The following DHX35 variants were observed in gnomAD, a reference collection of about 807,000 sequenced individuals.
DHX35 encodes the protein DEAH-box helicase 35, also known as probable ATP-dependent RNA helicase DHX35.
In DHX35, 84 loss-of-function variants were observed where a neutral mutation model predicts 99.6. The observed-to-expected ratio is 0.84, with a 90% CI of 0.71 to 1.01. The LOEUF is 1.01. Among genes scored for constraint, DHX35 ranks in the 50% least tolerant of loss-of-function variants. The pLI is 0.00. For missense variants in DHX35, 852 were observed against 888.5 expected (o/e 0.96, Z 0.52); for synonymous variants, 331 against 316.2 (o/e 1.05, Z -0.50).
intron 3 of DHX35, chr20:38,978,421 A>C: frequency 1.5e-6 from 1 of 645,318 alleles, no homozygotes; most frequent in Non-Finnish European, 2.9e-6. Flanking sequence ...CACATCTTTC[A>C]TGGGGTGGTG....
At chr20:38,994,180 A>G (rs2086386900) in intron 7 of DHX35, among the ~76,000 whole-genome samples, 1 of 152,152 alleles carries the variant, frequency 6.6e-6, no homozygotes, top group African/African-American at 2.4e-5. Context: ...CCATGTTATT[A>G]CCTTTTTCAG....
intron 7 of DHX35, 38 bp downstream of exon 7, chr20:38,992,463 A>G (rs1260348753): frequency 6.3e-6 from 10 of 1,594,920 alleles, no homozygotes; most frequent in Non-Finnish European, 5.2e-6. Context: ...GTGTGTGTTT[A>G]TTTTATTGCC....
intron 8 of DHX35, among the ~76,000 whole-genome samples, 162 bp from the exon 9 acceptor site, chr20:39,001,568 G>A (rs1601410355): frequency 6.6e-6 from 1 of 152,298 alleles, no homozygotes; most frequent in African/African-American, 2.4e-5. Flanking sequence ...TTAGAAAAAT[G>A]TGAATTTAAA....
At chr20:39,009,946 T>C (rs1260494518) in intron 12 of DHX35, among the ~76,000 whole-genome samples, 1 of 152,184 alleles carries the variant, frequency 6.6e-6, no homozygotes, top group African/African-American at 2.4e-5. Context: ...CCTTGACTTA[T>C]TCCAAACAGA....
At chr20:38,963,323 AG>A (rs1161124490) in intron 1 of DHX35, among the ~76,000 whole-genome samples, 5 of 152,364 alleles carry the variant, frequency 3.3e-5, no homozygotes, top group African/African-American at 7.2e-5. Context: ...AGTATATTGC[AG>A]CAAAAATGAA....
intron 15 of DHX35, among the ~76,000 whole-genome samples, chr20:39,019,400 T>C (rs1194181826): frequency 1.3e-5 from 2 of 152,198 alleles, no homozygotes; most frequent in African/African-American, 4.8e-5. Flanking sequence ...CCATGTTTTG[T>C]TTGTTTATCT....
At chr20:39,015,074 C>T (rs2086762751) in intron 14 of DHX35, 140 bp downstream of exon 14, 1 of 975,266 alleles carries the variant, frequency 1.0e-6, no homozygotes, top group East Asian at 2.5e-5. Context: ...CCTAATGATA[C>T]TTTATTGAAA....
chr20:38,993,161 C>G (rs2086367805), intron 7 of DHX35, among the ~76,000 whole-genome samples: 1 of 152,184 alleles, frequency 6.6e-6, no homozygotes. Context: ...GTCAGACTAC[C>G]TGGGTTCAAA....
intron 3 of DHX35, among the ~76,000 whole-genome samples, chr20:38,979,409 T>G (rs2086136676): frequency 1.3e-5 from 2 of 152,232 alleles, no homozygotes; most frequent in Admixed American, 1.3e-4. Flanking sequence ...TATTATAAAC[T>G]TTTTAAAAAT....
intron 5 of DHX35, 56 bp from the exon 6 acceptor site, chr20:38,991,398 C>T (rs2086334875): frequency 1.3e-6 from 2 of 1,503,518 alleles, no homozygotes; most frequent in South Asian, 2.4e-5. Context: ...TAAAAAATAC[C>T]ATTAATATGT....
At chr20:38,976,315 C>T (rs553765832) in intron 3 of DHX35, among the ~76,000 whole-genome samples, 3 of 148,644 alleles carry the variant, frequency 2.0e-5, no homozygotes, top group African/African-American at 5.0e-5. Context: ...GAAATTTTTT[C>T]ATGCATTTAC....
At chr20:38,984,634 C>G (rs1269239864) in intron 4 of DHX35, among the ~76,000 whole-genome samples, 1 of 152,080 alleles carries the variant, frequency 6.6e-6, no homozygotes, top group Non-Finnish European at 1.5e-5. Flanking sequence ...TTATAGTTTC[C>G]TGTTATGAAA....
chr20:38,978,011 T>C (rs1450486123), intron 3 of DHX35: 2 of 713,780 alleles, frequency 2.8e-6, no homozygotes, highest in Non-Finnish European at 2.6e-6. Flanking sequence ...CTTCCAGATA[T>C]ACTTAAGAAT....
chr20:39,028,111 T>C (rs1021042552), intron 18 of DHX35, among the ~76,000 whole-genome samples: 8 of 152,190 alleles, frequency 5.3e-5, no homozygotes, highest in African/African-American at 1.7e-4. Flanking sequence ...AGAGCAGCAC[T>C]CTTAGGTTCT....
chr20:38,989,501 G>C (rs1033354281), intron 5 of DHX35, among the ~76,000 whole-genome samples: 3 of 152,030 alleles, frequency 2.0e-5, no homozygotes, highest in Non-Finnish European at 4.4e-5. Flanking sequence ...AAGATGAAGA[G>C]GTTAAGGGCT....
chr20:39,027,706 GAA>G, intron 18 of DHX35, among the ~76,000 whole-genome samples: 1 of 151,892 alleles, frequency 6.6e-6, no homozygotes, highest in African/African-American at 2.4e-5. Context: ...TGTCACCAAA[GAA>G]AAAAAATGCT....
At chr20:38,965,782 C>A (rs902000223) in intron 1 of DHX35, among the ~76,000 whole-genome samples, 2 of 152,146 alleles carry the variant, frequency 1.3e-5, no homozygotes, top group African/African-American at 4.8e-5. Flanking sequence ...CCTTGTATGA[C>A]CTGCCTGAGA....
chr20:39,011,506 T>G (rs1448520324), intron 13 of DHX35, among the ~76,000 whole-genome samples: 1 of 152,108 alleles, frequency 6.6e-6, no homozygotes, highest in African/African-American at 2.4e-5. Flanking sequence ...TGGCTAATTT[T>G]TTATATTTTT....
intron 8 of DHX35, among the ~76,000 whole-genome samples, chr20:38,995,864 G>T (rs1327362728): frequency 6.6e-6 from 1 of 152,138 alleles, no homozygotes; most frequent in South Asian, 2.1e-4. Flanking sequence ...CTAAATATAA[G>T]TGAAATCACA....
Sources: allele counts gnomAD v4.1 joint callset (sites outside exome capture counted in the v4.1 genomes callset), GRCh38; gene constraint gnomAD v4.1.1; transcripts MANE v1.5; gene names NCBI Gene and HGNC (gene_info 2026-07-23, HGNC 2026-07-21).